The following ANKZF1 variants were observed in gnomAD, a reference collection of about 807,000 sequenced individuals.
The protein encoded by ANKZF1 is ankyrin repeat and zinc finger peptidyl tRNA hydrolase 1.
Under a neutral mutation model 86.0 loss-of-function variants are expected in ANKZF1, and 84 were observed. The observed-to-expected ratio is 0.98, with a 90% CI of 0.82 to 1.17. The LOEUF (loss-of-function observed/expected upper bound fraction) is 1.17. Ranked by LOEUF, ANKZF1 falls within the 50% of genes most tolerant of loss-of-function variation. The pLI is 0.00. For missense variants in ANKZF1, 893 were observed against 918.4 expected, an observed-to-expected ratio of 0.97 and a Z score of 0.36; for synonymous variants, 331 against 354.2, an observed-to-expected ratio of 0.93 and a Z score of 0.74.
intron 5 of ANKZF1, 132 bp from the exon 6 acceptor site, chr2:219,232,947 C>A: frequency 1.0e-6 from 1 of 962,994 alleles, no homozygotes. Flanking sequence ...CCTCAAATTT[C>A]CTTGTTTGTC....
At position 219,232,266 on chromosome 2, in the gene ANKZF1, C is replaced by T; in HGVS notation, c.268C>T (p.His90Tyr). The part of the protein sequence containing the change: ...TFQNHQEQRE[H>Y]YKLDWHRFNL... ...CTCTTTGTCTTTGTACTAGAGGGAA[C>T]ATTATAAGCTTGACTGGCATCGGTT... Residue 90 changes from histidine (H) to tyrosine (Y), a missense_variant, in exon 4 of 14, where the codon CAT (histidine) becomes TAT (tyrosine). By Grantham distance (83) the His-to-Tyr change is moderately conservative. Transcript: ENST00000323348. The T allele has an allele frequency of 6.2e-7, 1 of 1,614,092 alleles. No individual in the cohort carries two copies. Among genetic ancestry groups the T allele is most frequent in the South Asian group, 1.1e-5 (1 of 91,086 alleles).
chr2:219,236,487 G>A lies in ANKZF1; in HGVS notation c.*42G>A. The stretch of plus-strand genomic sequence containing the variant: ...CTGGGGCCAACTCAGGGACCTGAGA[G>A]GGCACATTCACAGCAGCCCTAGGTT... On this transcript the variant is annotated 3_prime_UTR_variant, in exon 14 of 14. Transcript: ENST00000323348. The A allele has an allele frequency of 6.5e-7, 1 of 1,528,478 alleles. No individual in the cohort carries two copies. The highest frequency in any genetic ancestry group is 1.3e-5 in the South Asian group (1 of 77,610). 94.7% of individuals were successfully genotyped at this position (1,528,478 alleles called of 1,614,324 possible). A position where few individuals can be genotyped will look rare whatever the true frequency, so the allele number is the denominator to read the frequency against.
Position 219,235,809 on chromosome 2 carries a change from G to A in ANKZF1, c.1905G>A (p.Gln635=), listed in dbSNP as rs1240155980. The change falls in exon 12 of 14, where the codon CAG becomes CAA. Residue 635 remains glutamine (Q), a synonymous_variant. Coordinates refer to ENST00000323348, the MANE Select transcript of ANKZF1 (RefSeq NM_018089.3). ...RRQREEQQQR[Q]QEQEEREREE... ...AACGGGAGGAACAGCAGCAGAGGCA[G>A]CAGGAGCAGGAGGAGCGTGAACGAG... The A allele has an allele frequency of 6.2e-7, 1 of 1,607,982 alleles. No individual in the cohort carries two copies. Among genetic ancestry groups the A allele is most frequent in the Non-Finnish European group, 8.5e-7 (1 of 1,175,192 alleles).
intron 5 of ANKZF1, 112 bp from the exon 6 acceptor site, chr2:219,232,967 C>A: frequency 9.3e-7 from 1 of 1,071,122 alleles, no homozygotes; most frequent in Non-Finnish European, 1.4e-6. Flanking sequence ...CAAATGGAAA[C>A]AAGCCTCAGG....
At position 219,229,955 on chromosome 2, in the gene ANKZF1, A is replaced by G. The variant is rs1033653867; in HGVS notation, c.-31+55A>G. 2 of 283,316 alleles carry G rather than the reference A, an allele frequency of 7.1e-6. No individual in the cohort carries two copies. Among genetic ancestry groups the G allele is most frequent in the Admixed American group, 5.3e-5 (1 of 18,818 alleles). The allele number at this position is 283,316 out of a possible 1,614,324, so 17.6% of individuals were successfully genotyped here. A position where few individuals can be genotyped will look rare whatever the true frequency, so the allele number is the denominator to read the frequency against. On this transcript the variant is annotated intron_variant, in intron 1 of 13. Transcript: ENST00000323348. The surrounding 1 kb of genome is among the most constrained non-coding windows in gnomAD (Gnocchi z 4.2). ...ACGCGGGCCAGTTGTTGCTGGTCGCATGGGTAACGAAGAAAGTTCGGCTAG... is the reference window on the plus strand; with the variant it reads ...ACGCGGGCCAGTTGTTGCTGGTCGCGTGGGTAACGAAGAAAGTTCGGCTAG...
chr2:219,234,029 AT>A, intron 8 of ANKZF1, 86 bp downstream of exon 8: 1 of 1,534,704 alleles, frequency 6.5e-7, no homozygotes. Flanking sequence ...TATCCAGAGG[AT>A]TTTCTAAGCC....
At chr2:219,232,386 T>G (rs572744276) in intron 4 of ANKZF1, 24 bp downstream of exon 4, 100 of 1,613,014 alleles carry the variant, frequency 6.2e-5, no homozygotes, top group South Asian at 4.4e-4. Flanking sequence ...GGGGGACCTA[T>G]GTAGGAGTAG....
Position 219,236,500 on chromosome 2 carries a change from G to C in ANKZF1, c.*55G>C. 6.6e-7 allele frequency: 1 copy of C among 1,519,080 alleles called. No individual in the cohort carries two copies. The highest frequency in any genetic ancestry group is 2.2e-5 in the Admixed American group (1 of 44,694). The allele number at this position is 1,519,080 out of a possible 1,614,324, so 94.1% of individuals were successfully genotyped here. A position where few individuals can be genotyped will look rare whatever the true frequency, so the allele number is the denominator to read the frequency against. ...AGGGACCTGAGAGGGCACATTCACA[G>C]CAGCCCTAGGTTTTTTCTTCCCCGT... On this transcript the variant is annotated 3_prime_UTR_variant, in exon 14 of 14. Coordinates refer to ENST00000323348, the MANE Select transcript of ANKZF1 (RefSeq NM_018089.3).
rs202145603 is a variant in ANKZF1, at chr2:219,236,328, C to T, written c.2064C>T (p.Cys688=). The T allele has an allele frequency of 6.2e-7, 1 of 1,614,084 alleles. No homozygotes were observed. Among genetic ancestry groups the T allele is most frequent in the East Asian group, 2.2e-5 (1 of 44,876 alleles). ...TTTTCTTCCTCTTGTTCAGACGCTG[C>T]TGGAGTTGTGGGGCATCCCTCCAAG... is the stretch of plus-strand genomic sequence containing the variant. ...PDSAIVNTRR[C]WSCGASLQGL... Residue 688 remains cysteine, a synonymous_variant, in exon 14 of 14, where the codon TGC becomes TGT. Coordinates refer to ENST00000323348, the MANE Select transcript of ANKZF1 (RefSeq NM_018089.3).
In ANKZF1 at chr2:219,233,714, G is replaced by T; in HGVS notation, c.820-1G>T. ...CAGGACTGAGTTACTCTCTTCTCTA[G>T]GATGTTCGTGACCTGCTGGCAGGGC... is the stretch of plus-strand genomic sequence containing the variant. On this transcript the variant is annotated splice_acceptor_variant, in intron 7 of 13. Coordinates refer to ENST00000323348, the MANE Select transcript of ANKZF1 (RefSeq NM_018089.3). LOFTEE classifies it high-confidence loss of function. 6.2e-7 allele frequency: 1 copy of T among 1,610,356 alleles called. No individual in the cohort carries two copies. The highest frequency in any genetic ancestry group is 8.5e-7 in the Non-Finnish European group (1 of 1,178,666).
intron 9 of ANKZF1, 138 bp from the exon 10 acceptor site, chr2:219,234,688 G>A (rs1480610586): frequency 8.7e-7 from 1 of 1,143,540 alleles, no homozygotes; most frequent in African/African-American, 1.6e-5. Flanking sequence ...GTGATATAAT[G>A]GACTCAGCTC....
rs1951232691 is a variant in ANKZF1 at position 219,236,316 on chromosome 2, G to A, written c.2058-6G>A. 4 of 1,613,868 alleles carry A rather than the reference G, an allele frequency of 2.5e-6. No individual in the cohort carries two copies. The African/African-American group carries it at 4.0e-5, about 16-fold the overall frequency. On this transcript the variant is annotated splice_region_variant and splice_polypyrimidine_tract_variant and intron_variant, in intron 13 of 13. Coordinates refer to ENST00000323348, the MANE Select transcript of ANKZF1 (RefSeq NM_018089.3). ...CTGTCCAGCCATTTTTCTTCCTCTT[G>A]TTCAGACGCTGCTGGAGTTGTGGGG... is the stretch of plus-strand genomic sequence containing the variant.
intron 5 of ANKZF1, 165 bp downstream of exon 5, chr2:219,232,848 G>C: frequency 1.1e-6 from 1 of 880,054 alleles, no homozygotes; most frequent in Non-Finnish European, 1.7e-6. Context: ...AATTGTGGAA[G>C]GGTTAAGTGT....
In ANKZF1 at chr2:219,234,114, A is replaced by G; in HGVS notation, c.1049-19A>G. ...TTCTCCTCAGCTAAGGTTGAGAAAG[A>G]TCTTTTCTTTTATGGCAGAAGAAGA... On this transcript the variant is annotated intron_variant, in intron 8 of 13. Coordinates refer to ENST00000323348, the MANE Select transcript of ANKZF1 (RefSeq NM_018089.3). 1 of 1,603,328 alleles carries G rather than the reference A, an allele frequency of 6.2e-7. No homozygotes were observed. The highest frequency in any genetic ancestry group is 8.5e-7 in the Non-Finnish European group (1 of 1,177,102).
At chr2:219,234,528 G>C in intron 9 of ANKZF1, 1 of 645,216 alleles carries the variant, frequency 1.5e-6, no homozygotes, top group South Asian at 2.0e-5. Flanking sequence ...GTGTTGCATG[G>C]ATCTCACATA....
At chr2:219,231,176 C>T (rs987440979) in intron 2 of ANKZF1, 6 of 152,860 alleles carry the variant, frequency 3.9e-5, no homozygotes, top group Non-Finnish European at 8.8e-5. Context: ...TTAAACTGAA[C>T]AGAAATTATT....
chr2:219,233,720 T>C lies in ANKZF1; in HGVS notation c.825T>C (p.Val275=), dbSNP rs377247885. The change falls in exon 8 of 14, where the codon GTT becomes GTC. Residue 275 remains valine, a synonymous_variant. Coordinates refer to ENST00000323348, the MANE Select transcript of ANKZF1 (RefSeq NM_018089.3). ...TGAGTTACTCTCTTCTCTAGGATGT[T>C]CGTGACCTGCTGGCAGGGCCAAGCT... ...RYNEATLYKD[V]RDLLAGPSWA... is the part of the protein sequence containing the mutation. 20 of 1,612,018 alleles carry C rather than the reference T, an allele frequency of 1.2e-5. No homozygotes were observed. The African/African-American group carries it at 2.5e-4, about 20-fold the overall frequency.
intron 7 of ANKZF1, 113 bp downstream of exon 7, chr2:219,233,546 T>G (rs1477244033): frequency 7.0e-7 from 1 of 1,432,088 alleles, no homozygotes; most frequent in Non-Finnish European, 9.3e-7. Context: ...ATTTTCATTA[T>G]AGGTAGACAA....
chr2:219,233,290 G>GAAA lies in ANKZF1; in HGVS notation c.678_679insAAA (p.Glu226_Val227insLys). ...CTGAGTCTGTGCTGTCTACAGAAGA[G>GAAA]AAGTGGTGACACACAAAACTTTTCA... On this transcript the variant is annotated inframe_insertion, in exon 7 of 14. Transcript: ENST00000323348. 6.2e-7 allele frequency: 1 copy of GAAA among 1,614,246 alleles called. No homozygotes were observed.
Sources: gnomAD v4.1 joint callset for allele counts on GRCh38, gnomAD v4.1.1 for gene constraint, Gnocchi (gnomAD v3.1) non-coding constraint, MANE v1.5 for transcripts, NCBI Gene and HGNC (gene_info 2026-07-23, HGNC 2026-07-21) for gene names.